TRIM8: variants seen among roughly 807,000 people sequenced by gnomAD.
TRIM8 encodes the protein tripartite motif containing 8.
TRIM8 carries 9 observed loss-of-function variants against 55.7 expected under a neutral mutation model. The observed-to-expected ratio is 0.16, with a 90% CI of 0.10 to 0.28. TRIM8 has a LOEUF of 0.28. Among genes scored for constraint, TRIM8 ranks in the 10% least tolerant of loss-of-function variants. The pLI, the probability that TRIM8 is intolerant of heterozygous loss-of-function variation, is 1.00. For synonymous variants in TRIM8, 335 were observed against 333.3 expected, an observed-to-expected ratio of 1.01 and a Z score of -0.06; for missense variants, 556 against 736.4, an observed-to-expected ratio of 0.76 and a Z score of 2.83.
chr10:102,654,609 G>T, intron 1 of TRIM8, 44 bp from the exon 2 acceptor site: 1 of 1,463,478 alleles, frequency 6.8e-7, no homozygotes, highest in Non-Finnish European at 9.6e-7. Context: ...GGTCAGGGTT[G>T]GAGCCACAGT....
chr10:102,647,599 CA>C (rs369436550), intron 1 of TRIM8, among the ~76,000 whole-genome samples: 6 of 152,172 alleles, frequency 3.9e-5, no homozygotes, highest in African/African-American at 1.4e-4. Flanking sequence ...GTAGGCCAAA[CA>C]GGGGGAGTGG....
At chr10:102,651,497 C>T (rs1434753924) in intron 1 of TRIM8, among the ~76,000 whole-genome samples, 1 of 152,244 alleles carries the variant, frequency 6.6e-6, no homozygotes, top group African/African-American at 2.4e-5. Flanking sequence ...TGCGCTGGGA[C>T]CTTGGAGCTG....
In TRIM8 at chr10:102,657,359, A is replaced by G. The variant is rs367683068; in HGVS notation, c.*5A>G. ...AAACACTACGTGACGAGCTAACGCCACGCAGGCGGCGGGGCGCTGGGGAAT... is the reference window on the plus strand; with the variant it reads ...AAACACTACGTGACGAGCTAACGCCGCGCAGGCGGCGGGGCGCTGGGGAAT... On this transcript the variant is annotated 3_prime_UTR_variant, in exon 6 of 6. Transcript: ENST00000643721. The G allele has an allele frequency of 1.3e-6, 2 of 1,551,614 alleles. No homozygotes were observed. The highest frequency in any genetic ancestry group is 1.7e-6 in the Non-Finnish European group (2 of 1,145,010).
intron 1 of TRIM8, among the ~76,000 whole-genome samples, chr10:102,647,292 C>T (rs1043934814): frequency 6.6e-6 from 1 of 152,174 alleles, no homozygotes; most frequent in East Asian, 1.9e-4. Flanking sequence ...CTGGTGTGGG[C>T]AGGCTCAGAA....
Position 102,644,839 on chromosome 10 carries a change from C to A in TRIM8, c.222C>A (p.Ile74=). The change falls in exon 1 of 6, where the codon ATC becomes ATA. Residue 74 remains isoleucine, a synonymous_variant. Transcript: ENST00000643721. ...GLEKNLKLTN[I]VEKFNALHVE... ...AGAAGAACCTGAAGCTCACCAACAT[C>A]GTGGAGAAGTTCAATGCCCTGCACG... is the stretch of plus-strand genomic sequence containing the variant. The A allele has an allele frequency of 6.2e-7, 1 of 1,612,848 alleles. No homozygotes were observed. Among genetic ancestry groups the A allele is most frequent in the Non-Finnish European group, 8.5e-7 (1 of 1,179,798 alleles).
At position 102,656,690 on chromosome 10, in the gene TRIM8, G is replaced by C. The variant is rs1385896178; in HGVS notation, c.1049-57G>C. The C allele has an allele frequency of 2.0e-6, 3 of 1,505,144 alleles. No individual in the cohort carries two copies. Among genetic ancestry groups the C allele is most frequent in the African/African-American group, 2.8e-5 (2 of 71,394 alleles). The allele number at this position is 1,505,144 out of a possible 1,614,324, so 93.2% of individuals were successfully genotyped here. ...GTCCCCAGGTCCAACCCAGGGAGAG[G>C]AGGCCTGGGTTGCTTGGGGTGGGAG... On this transcript the variant is annotated intron_variant, in intron 5 of 5. Transcript: ENST00000643721. The surrounding 1 kb of genome is among the most constrained non-coding windows in gnomAD (Gnocchi z 4.6).
At chr10:102,652,340 C>T (rs562294461) in intron 1 of TRIM8, among the ~76,000 whole-genome samples, 127 of 152,158 alleles carry the variant, frequency 8.3e-4, no homozygotes, top group African/African-American at 2.7e-3. Flanking sequence ...AGCTTGTCTT[C>T]GGGGAGCCAG....
In TRIM8 at chr10:102,656,018, C is replaced by A; in HGVS notation, c.901-88C>A. ...GGATCCACCCAGCCTGGGGGAGGCT[C>A]AGGGGGGGCAGCTTTTGTCTTCCCC... On this transcript the variant is annotated intron_variant, in intron 3 of 5. Coordinates refer to ENST00000643721, the MANE Select transcript of TRIM8 (RefSeq NM_030912.3). This position sits in a 1 kb window ranked among gnomAD's most constrained non-coding sequence, Gnocchi z 4.6. 2 of 1,599,612 alleles carry A rather than the reference C, an allele frequency of 1.3e-6. No homozygotes were observed. Among genetic ancestry groups the A allele is most frequent in the South Asian group, 2.2e-5 (2 of 90,530 alleles).
Position 102,656,608 on chromosome 10 carries a change from GGTA to G in TRIM8, c.1049-137_1049-135del. Reference sequence around the variant, plus strand: ...ATATAACTATTCTGTACCTCCTAATGGTAGAGGAGCAAGCATCACCTGAGATGT... The same window carrying G: ...ATATAACTATTCTGTACCTCCTAATGGAGGAGCAAGCATCACCTGAGATGT... On this transcript the variant is annotated intron_variant, in intron 5 of 5. Coordinates refer to ENST00000643721, the MANE Select transcript of TRIM8 (RefSeq NM_030912.3). This position sits in a 1 kb window ranked among gnomAD's most constrained non-coding sequence, Gnocchi z 4.6. 7.2e-7 allele frequency: 1 copy of G among 1,385,110 alleles called. No individual in the cohort carries two copies. Among genetic ancestry groups the G allele is most frequent in the Non-Finnish European group, 9.7e-7 (1 of 1,025,664 alleles). The allele number at this position is 1,385,110 out of a possible 1,614,324, so 85.8% of individuals were successfully genotyped here.
At position 102,657,574 on chromosome 10, in the gene TRIM8, C is replaced by T; in HGVS notation, c.*220C>T. ...ACGCAGAGGTGACAGTGGGAGCTGG[C>T]CTGGGCCAGGACGGCAGGTGGCCCT... On this transcript the variant is annotated 3_prime_UTR_variant, in exon 6 of 6. Transcript: ENST00000643721. The T allele has an allele frequency of 1.8e-6, 1 of 565,002 alleles. No homozygotes were observed. The highest frequency in any genetic ancestry group is 2.9e-6 in the Non-Finnish European group (1 of 342,062). 35.0% of individuals were successfully genotyped at this position (565,002 alleles called of 1,614,324 possible).
Position 102,656,882 on chromosome 10 carries a change from C to A in TRIM8, c.1184C>A (p.Pro395His). Residue 395 changes from proline to histidine, a missense_variant, in exon 6 of 6, where the codon CCT (proline) becomes CAT (histidine). Around this residue, in one of 2 missense-constraint regions of TRIM8, gnomAD observed 391 missense variants for 441.0 expected, o/e 0.89. Transcript: ENST00000643721. The surrounding 1 kb of genome is among the most constrained non-coding windows in gnomAD (Gnocchi z 4.6). ...EASFLETSSGPVGGQYGAAGT... is the reference protein window; with the variant it reads ...EASFLETSSGHVGGQYGAAGT... ...AGTTTCCTAGAGACGTCGTCGGGCC[C>A]TGTGGGCGGCCAGTACGGGGCGGCG... The A allele has an allele frequency of 6.3e-7, 1 of 1,577,528 alleles. No homozygotes were observed.
intron 1 of TRIM8, among the ~76,000 whole-genome samples, chr10:102,651,065 C>T (rs531919639): frequency 6.6e-6 from 1 of 152,154 alleles, no homozygotes; most frequent in South Asian, 2.1e-4. Flanking sequence ...TGCAGCCCCC[C>T]GGACTCCTCC....
intron 1 of TRIM8, among the ~76,000 whole-genome samples, chr10:102,647,223 T>TGTGTGTGTGCGTGTGTGC (rs1473751758): frequency 6.6e-6 from 1 of 151,716 alleles, no homozygotes; most frequent in South Asian, 2.1e-4. Flanking sequence ...CTCCGCAGGG[T>TGTGTGTGTGCGTGTGTGC]GTGTGTGTGC....
In TRIM8 at chr10:102,654,738, G is replaced by T. The variant is rs760338665; in HGVS notation, c.656G>T (p.Arg219Leu). The T allele has an allele frequency of 6.2e-7, 1 of 1,613,940 alleles. No individual in the cohort carries two copies. Among genetic ancestry groups the T allele is most frequent in the African/African-American group, 1.3e-5 (1 of 75,048 alleles). The change falls in exon 2 of 6, where the codon CGC becomes CTC. Residue 219 changes from arginine (R) to leucine (L), a missense_variant. By Grantham distance (102) the Arg-to-Leu change is moderately radical (BLOSUM62 -2). Around this residue, in one of 2 missense-constraint regions of TRIM8, gnomAD observed 391 missense variants for 441.0 expected, o/e 0.89. Coordinates refer to ENST00000643721, the MANE Select transcript of TRIM8 (RefSeq NM_030912.3). ...CTGTACAAACTCGAGTCAGACAAGC[G>T]CCTGGTGGAGGTAGCTAAGCCCAAG... ...DQLYKLESDK[R>L]LVEEKVNQLK...
chr10:102,657,487 C>G lies in TRIM8; in HGVS notation c.*133C>G, dbSNP rs1487642085. 4 of 1,181,470 alleles carry G rather than the reference C, an allele frequency of 3.4e-6. No homozygotes were observed. The highest frequency in any genetic ancestry group is 4.6e-6 in the Non-Finnish European group (4 of 873,114). The allele number at this position is 1,181,470 out of a possible 1,614,324, so 73.2% of individuals were successfully genotyped here. On this transcript the variant is annotated 3_prime_UTR_variant, in exon 6 of 6. Transcript: ENST00000643721. ...TCATTCCATTGCCCCAGGTCTTTTC[C>G]TTTTGGATTTTGTTTTGGTTTTGGC... is the stretch of plus-strand genomic sequence containing the variant.
At chr10:102,645,436 T>C (rs2063926252) in intron 1 of TRIM8, 1 of 424,294 alleles carries the variant, frequency 2.4e-6, no homozygotes, top group Non-Finnish European at 4.2e-6. Flanking sequence ...GGGATTGGGG[T>C]GTGGGACCGT....
At chr10:102,654,474 A>C in intron 1 of TRIM8, 179 bp from the exon 2 acceptor site, 1 of 630,214 alleles carries the variant, frequency 1.6e-6, no homozygotes, top group Non-Finnish European at 2.9e-6. Context: ...ATGGGAAGCT[A>C]TTCTGGGGAG....
intron 1 of TRIM8, 38 bp from the exon 2 acceptor site, chr10:102,654,615 A>G (rs2135982897): frequency 3.3e-6 from 5 of 1,504,326 alleles, no homozygotes; most frequent in Non-Finnish European, 4.6e-6. Flanking sequence ...GGTTGGAGCC[A>G]CAGTCCCTCT....
chr10:102,652,546 G>GATCTCA (rs2063993659), intron 1 of TRIM8, among the ~76,000 whole-genome samples: 1 of 152,158 alleles, frequency 6.6e-6, no homozygotes, highest in Non-Finnish European at 1.5e-5. Context: ...ATGCATCTCA[G>GATCTCA]GCCGCCCAGG....
Sources: gnomAD v4.1 joint callset for allele counts (sites outside exome capture counted in the v4.1 genomes callset) on GRCh38, gnomAD v4.1.1 for gene constraint, gnomAD v4.1.1 regional missense constraint, Gnocchi (gnomAD v3.1) non-coding constraint, MANE v1.5 for transcripts, NCBI Gene and HGNC (gene_info 2026-07-23, HGNC 2026-07-21) for gene names.